ADAM17: variants seen among roughly 807,000 people sequenced by gnomAD.
The protein encoded by ADAM17 is ADAM metallopeptidase domain 17, also known as disintegrin and metalloproteinase domain-containing protein 17.
A neutral mutation model predicts 96.7 loss-of-function variants in ADAM17; 39 were observed. The ratio of observed to expected loss-of-function variants is 0.40; its 90% CI spans 0.31 to 0.53. ADAM17 has a LOEUF of 0.53. Among genes scored for constraint, ADAM17 ranks in the 20% least tolerant of loss-of-function variants. The pLI, the probability that ADAM17 is intolerant of heterozygous loss-of-function variation, is 0.44. For missense variants in ADAM17, 777 were observed against 1,013.2 expected (o/e 0.77, Z 3.17); for synonymous variants, 344 against 359.2 (o/e 0.96, Z 0.48).
intron 11 of ADAM17, among the ~76,000 whole-genome samples, chr2:9,507,446 G>T (rs930322522): frequency 6.6e-6 from 1 of 152,126 alleles, no homozygotes; most frequent in Non-Finnish European, 1.5e-5. Context: ...AGGTTGCAGT[G>T]AGCAGAGATC....
chr2:9,507,187 A>G (rs893552425), intron 11 of ADAM17, among the ~76,000 whole-genome samples: 1 of 152,072 alleles, frequency 6.6e-6, no homozygotes, highest in Non-Finnish European at 1.5e-5. Flanking sequence ...TATTTTTATT[A>G]AGGAATTCAT....
chr2:9,548,262 G>A (rs766705846), intron 1 of ADAM17, among the ~76,000 whole-genome samples: 7 of 151,974 alleles, frequency 4.6e-5, no homozygotes, highest in African/African-American at 1.5e-4. Flanking sequence ...AACCCAGGAG[G>A]CAAAGGTGGC....
chr2:9,531,413 AAAAT>A (rs1432887928), intron 4 of ADAM17, among the ~76,000 whole-genome samples: 1 of 152,070 alleles, frequency 6.6e-6, no homozygotes, highest in East Asian at 1.9e-4. Context: ...TAAAAATACA[AAAAT>A]TAGGCCGGAT....
Position 9,492,142 on chromosome 2 carries a change from T to G in ADAM17, c.2082+756A>C, listed in dbSNP as rs563678689. On this transcript the variant is annotated intron_variant, in intron 17 of 18. Coordinates refer to ENST00000310823, the MANE Select transcript of ADAM17 (RefSeq NM_003183.6). ...AGGAAAAACTCCTTTGTCATCAGAG[T>G]TGTGCTGGAATTTTTAAATGCTCAT... Among the ~76,000 whole-genome samples the G allele has an allele frequency of 2.0e-5, 3 of 151,920 alleles. No homozygotes were observed. The South Asian group carries it at 6.2e-4, about 32-fold the overall frequency.
At chr2:9,520,146 T>C (rs1475095943) in intron 8 of ADAM17, among the ~76,000 whole-genome samples, 1 of 152,262 alleles carries the variant, frequency 6.6e-6, no homozygotes, top group Admixed American at 6.5e-5. Context: ...ACACCATACC[T>C]GGACTAGCCC....
chr2:9,529,704 C>T (rs527956152), intron 4 of ADAM17, among the ~76,000 whole-genome samples: 29 of 152,244 alleles, frequency 1.9e-4, no homozygotes, highest in African/African-American at 6.5e-4. Flanking sequence ...GGCGCGATGG[C>T]TCACGCCTGT....
chr2:9,507,519 A>T (rs2125003433), intron 11 of ADAM17, among the ~76,000 whole-genome samples: 1 of 152,328 alleles, frequency 6.6e-6, no homozygotes, highest in South Asian at 2.1e-4. Context: ...ATAATAAATA[A>T]TAATAAATAA....
chr2:9,527,687 T>C, intron 5 of ADAM17, 99 bp downstream of exon 5: 1 of 823,560 alleles, frequency 1.2e-6, no homozygotes, highest in Non-Finnish European at 1.7e-6. Flanking sequence ...CTATAGTTAC[T>C]TGACAATCAT....
intron 10 of ADAM17, chr2:9,512,550 G>A (rs1663801193): frequency 6.6e-6 from 1 of 152,180 alleles, no homozygotes; most frequent in African/African-American, 2.4e-5. Flanking sequence ...ACCTTCTCCT[G>A]TCCTCCTTTT....
chr2:9,552,553 A>G (rs1203941250), intron 1 of ADAM17, among the ~76,000 whole-genome samples: 1 of 152,246 alleles, frequency 6.6e-6, no homozygotes, highest in East Asian at 1.9e-4. Flanking sequence ...AATATGGAGA[A>G]TCCCCATGCC....
At chr2:9,504,882 ATTTGT>A (rs1663288779) in intron 12 of ADAM17, among the ~76,000 whole-genome samples, 1 of 151,298 alleles carries the variant, frequency 6.6e-6, no homozygotes, top group African/African-American at 2.4e-5. Context: ...TTCTTTTCTT[ATTTGT>A]TTTTTGTTTT....
intron 11 of ADAM17, among the ~76,000 whole-genome samples, chr2:9,508,265 C>T (rs950177839): frequency 6.6e-6 from 1 of 152,152 alleles, no homozygotes; most frequent in Non-Finnish European, 1.5e-5. Flanking sequence ...CAGAAATATT[C>T]AAGCATCTAT....
chr2:9,537,849 A>C (rs746065505), intron 2 of ADAM17, among the ~76,000 whole-genome samples: 1 of 143,702 alleles, frequency 7.0e-6, no homozygotes, highest in Non-Finnish European at 1.5e-5. Context: ...TAGAATATAG[A>C]CTCCATTGGC....
At chr2:9,512,030 G>C (rs1663770027) in intron 10 of ADAM17, among the ~76,000 whole-genome samples, 1 of 146,956 alleles carries the variant, frequency 6.8e-6, no homozygotes, top group South Asian at 2.2e-4. Context: ...TAAAATTCCT[G>C]AGTTCTTTTT....
chr2:9,502,260 A>G lies in ADAM17; in HGVS notation c.1561T>C (p.Cys521Arg). 1.2e-6 allele frequency: 2 copies of G among 1,613,832 alleles called. No homozygotes were observed. The highest frequency in any genetic ancestry group is 1.7e-6 in the Non-Finnish European group (2 of 1,179,904). ...GVQCSDRNSP[C>R]CKNCQFETAQ... ...GTCTCAAACTGACAGTTTTTACAGC[A>G]AGGACTGTTCCTGTCACTGGAGAAG... The change falls in exon 13 of 19, where the codon TGC becomes CGC. Residue 521 changes from cysteine (C) to arginine (R), a missense_variant. This residue lies in a region of ADAM17 where 446 missense variants were observed against 664.7 expected (regional missense o/e 0.67). Transcript: ENST00000310823.
intron 2 of ADAM17, among the ~76,000 whole-genome samples, chr2:9,542,725 G>A (rs1665257432): frequency 1.3e-5 from 2 of 152,128 alleles, no homozygotes; most frequent in South Asian, 2.1e-4. Flanking sequence ...TTGAGACAGA[G>A]TCTCACTCTG....
intron 2 of ADAM17, among the ~76,000 whole-genome samples, chr2:9,541,426 G>A (rs1319510208): frequency 6.6e-6 from 1 of 152,072 alleles, no homozygotes; most frequent in African/African-American, 2.4e-5. Flanking sequence ...AGCTGAGCAT[G>A]GCAGTGGGCT....
In ADAM17 at chr2:9,543,327, AATC is replaced by A. The variant is rs1055049022; in HGVS notation, c.98-45_98-43del. On this transcript the variant is annotated intron_variant, in intron 1 of 18. Coordinates refer to ENST00000310823, the MANE Select transcript of ADAM17 (RefSeq NM_003183.6). ...AAAGGTATTAGCATCTAAACCTAAT[AATC>A]AATTGTAGTATCGTTAAAATGAGAG... The A allele has an allele frequency of 7.3e-6, 11 of 1,500,842 alleles. No individual in the cohort carries two copies. The African/African-American group carries it at 1.1e-4, about 15-fold the overall frequency. The allele number at this position is 1,500,842 out of a possible 1,614,324, so 93.0% of individuals were successfully genotyped here.
At position 9,497,266 on chromosome 2, in the gene ADAM17, TC is replaced by T. The variant is rs768047017; in HGVS notation, c.1649-19del. ...GCTATTACCTGGAAGCAAACACCAG[TC>T]ATAACAAAAAGAATGAGTCACAGGT... On this transcript the variant is annotated intron_variant, in intron 13 of 18. Transcript: ENST00000310823. 6.2e-7 allele frequency: 1 copy of T among 1,613,368 alleles called. No homozygotes were observed.
Sources: gnomAD v4.1 joint callset for allele counts (sites outside exome capture counted in the v4.1 genomes callset) on GRCh38, gnomAD v4.1.1 for gene constraint, gnomAD v4.1.1 regional missense constraint, MANE v1.5 for transcripts, NCBI Gene and HGNC (gene_info 2026-07-23, HGNC 2026-07-21) for gene names.